ADGRL3: variants seen among roughly 807,000 people sequenced by gnomAD.
The protein encoded by ADGRL3 is calcium-independent alpha-latrotoxin receptor 3.
A neutral mutation model predicts 153.5 loss-of-function variants in ADGRL3; 62 were observed. The observed-to-expected ratio is 0.40, with a 90% confidence interval of 0.33 to 0.50. The LOEUF (loss-of-function observed/expected upper bound fraction) is 0.50, where lower values mean the gene tolerates loss of function less well. Ranked by LOEUF, ADGRL3 falls within the 20% of genes least tolerant of loss-of-function variation. The pLI is 0.47. For missense variants in ADGRL3, 1,641 were observed against 1,859.4 expected, an observed-to-expected ratio of 0.88 and a Z score of 2.16; for synonymous variants, 710 against 672.5, an observed-to-expected ratio of 1.06 and a Z score of -0.86.
rs530538873 is a variant in ADGRL3 at position 61,587,759 on chromosome 4, T to C, written c.473+319T>C. 2.6e-5 allele frequency among the ~76,000 whole-genome samples: 4 copies of C among 152,150 alleles called. No individual in the cohort carries two copies. The East Asian group carries it at 7.7e-4, about 29-fold the overall frequency. On this transcript the variant is annotated intron_variant, in intron 5 of 26. Coordinates refer to ENST00000683033, the MANE Select transcript of ADGRL3 (RefSeq NM_001387552.1). ...ATGTATTTTTCACAATTTGCAAAAA[T>C]AAGATTTTCTCCAAATATGGCAGAA...
At chr4:61,864,888 G>A (rs190303873) in intron 9 of ADGRL3, among the ~76,000 whole-genome samples, 34 of 152,222 alleles carry the variant, frequency 2.2e-4, no homozygotes, top group African/African-American at 7.7e-4. Flanking sequence ...TGAAATCAAC[G>A]GAAGCATAGA....
chr4:61,900,759 A>G (rs529239811), intron 11 of ADGRL3, among the ~76,000 whole-genome samples: 31 of 152,300 alleles, frequency 2.0e-4, no homozygotes, highest in African/African-American at 6.7e-4. Flanking sequence ...AGATAGATAC[A>G]TAAATAGATA....
chr4:61,473,291 T>C (rs1209260063), intron 2 of ADGRL3, among the ~76,000 whole-genome samples: 2 of 151,590 alleles, frequency 1.3e-5, no homozygotes, highest in East Asian at 1.9e-4. Flanking sequence ...CCAAGAAAGA[T>C]AGAGATTAGA....
intron 1 of ADGRL3, among the ~76,000 whole-genome samples, chr4:61,277,166 A>G (rs1321310028): frequency 1.3e-5 from 2 of 152,162 alleles, no homozygotes; most frequent in Admixed American, 1.3e-4. Flanking sequence ...TCAGTTTCTG[A>G]CATTGCCACA....
intron 5 of ADGRL3, among the ~76,000 whole-genome samples, chr4:61,612,087 A>G (rs1356103112): frequency 1.3e-5 from 2 of 152,142 alleles, no homozygotes; most frequent in East Asian, 3.8e-4. Flanking sequence ...GGACTTGCTT[A>G]ATTTTTCTAT....
At chr4:62,020,676 G>A (rs957140227) in intron 21 of ADGRL3, among the ~76,000 whole-genome samples, 2 of 151,882 alleles carry the variant, frequency 1.3e-5, no homozygotes, top group South Asian at 2.1e-4. Flanking sequence ...AACATTAAAC[G>A]ATCAAATTCT....
At chr4:61,428,346 C>T (rs2097307803) in intron 2 of ADGRL3, 2 of 152,168 alleles carry the variant, frequency 1.3e-5, no homozygotes, top group African/African-American at 4.8e-5. Flanking sequence ...GATTGTGCAC[C>T]TGTGCTCCAA....
intron 5 of ADGRL3, among the ~76,000 whole-genome samples, chr4:61,627,077 C>T (rs866231417): frequency 6.6e-6 from 1 of 151,946 alleles, no homozygotes. Context: ...ATTAAAATAA[C>T]CCTCTACCCT....
intron 1 of ADGRL3, among the ~76,000 whole-genome samples, chr4:61,207,697 C>T (rs1298170006): frequency 6.6e-6 from 1 of 152,174 alleles, no homozygotes; most frequent in East Asian, 1.9e-4. Context: ...TCTCCATATC[C>T]TCTCCAGCAC....
intron 5 of ADGRL3, among the ~76,000 whole-genome samples, chr4:61,649,949 G>A (rs916447182): frequency 6.6e-6 from 1 of 152,104 alleles, no homozygotes; most frequent in Non-Finnish European, 1.5e-5. Flanking sequence ...AAGTGACAAA[G>A]ATTTACTGAC....
At chr4:61,939,160 T>C (rs2098858282) in intron 15 of ADGRL3, among the ~76,000 whole-genome samples, 1 of 152,166 alleles carries the variant, frequency 6.6e-6, no homozygotes, top group African/African-American at 2.4e-5. Context: ...GTGGAAACAG[T>C]GACCTTAAAA....
chr4:61,869,714 G>A (rs1217321458), intron 9 of ADGRL3, among the ~76,000 whole-genome samples: 3 of 151,568 alleles, frequency 2.0e-5, no homozygotes, highest in Non-Finnish European at 4.4e-5. Flanking sequence ...TGAGGCGGGC[G>A]GATCACCTGA....
intron 2 of ADGRL3, among the ~76,000 whole-genome samples, chr4:61,452,877 T>C (rs2097691764): frequency 6.6e-6 from 1 of 152,172 alleles, no homozygotes; most frequent in Admixed American, 6.6e-5. Flanking sequence ...GAATGATTTA[T>C]TATTACTTTT....
chr4:61,284,005 T>A (rs1172173632), intron 1 of ADGRL3, among the ~76,000 whole-genome samples: 1 of 151,988 alleles, frequency 6.6e-6, no homozygotes, highest in Admixed American at 6.6e-5. Context: ...ATCACAAGGT[T>A]GTAGTCCTTG....
intron 8 of ADGRL3, among the ~76,000 whole-genome samples, chr4:61,771,087 A>G (rs2097079806): frequency 1.3e-5 from 2 of 152,176 alleles, no homozygotes; most frequent in African/African-American, 4.8e-5. Flanking sequence ...AGTTGAATAC[A>G]AGGGCTTAAG....
chr4:61,338,030 G>A (rs546646010), intron 1 of ADGRL3, among the ~76,000 whole-genome samples: 183 of 152,058 alleles, frequency 1.2e-3, no homozygotes, highest in Non-Finnish European at 1.2e-3. Flanking sequence ...TTTGGGAGGC[G>A]GAGGCAGACG....
At chr4:61,914,326 G>A (rs2098735587) in intron 13 of ADGRL3, among the ~76,000 whole-genome samples, 2 of 152,090 alleles carry the variant, frequency 1.3e-5, no homozygotes, top group South Asian at 4.1e-4. Flanking sequence ...TCTATAGCTA[G>A]GTTCATGACT....
At chr4:61,757,863 T>G (rs1414899757) in intron 8 of ADGRL3, among the ~76,000 whole-genome samples, 8 of 152,234 alleles carry the variant, frequency 5.3e-5, no homozygotes, top group Non-Finnish European at 1.2e-4. Flanking sequence ...TATTTCTGCC[T>G]TCATTTCGTT....
chr4:61,286,970 G>T (rs2150082053), intron 1 of ADGRL3, among the ~76,000 whole-genome samples: 1 of 151,678 alleles, frequency 6.6e-6, no homozygotes, highest in Admixed American at 6.6e-5. Flanking sequence ...AATTATGGAA[G>T]TCAAAGGCCT....
Sources: allele counts gnomAD v4.1 joint callset (sites outside exome capture counted in the v4.1 genomes callset), GRCh38; gene constraint gnomAD v4.1.1; transcripts MANE v1.5; gene names NCBI Gene and HGNC (gene_info 2026-07-23, HGNC 2026-07-21).